TMEM74: variants seen among roughly 807,000 people sequenced by gnomAD.
The protein encoded by TMEM74 is transmembrane protein 74.
TMEM74 carries 13 observed loss-of-function variants against 18.1 expected under a neutral mutation model. The ratio of observed to expected loss-of-function variants is 0.72; its 90% CI spans 0.47 to 1.14. TMEM74 has a LOEUF of 1.14. Ranked by LOEUF, TMEM74 falls within the 50% of genes most tolerant of loss-of-function variation. The pLI is 0.00. For missense variants in TMEM74, 372 were observed against 375.9 expected (o/e 0.99, Z 0.09); for synonymous variants, 159 against 146.6 (o/e 1.08, Z -0.61).
rs554353753 is a variant in TMEM74, at chr8:108,637,804, C to T, written n.264+17489G>A. On this transcript the variant is annotated intron_variant and non_coding_transcript_variant, in intron 2 of 3. Transcript: ENST00000518838. ...AGCCACTAAATTTGTGGTAATTTGC[C>T]ATAGCAGCAGTAAGGATCCAATATT... Among the ~76,000 whole-genome samples the T allele has an allele frequency of 7.2e-5, 11 of 152,164 alleles. No homozygotes were observed. In the South Asian group the frequency reaches 8.3e-4, roughly 12 times the overall value.
chr8:108,732,354 C>T (rs760306714), intron 1 of TMEM74, among the ~76,000 whole-genome samples: 1 of 152,072 alleles, frequency 6.6e-6, no homozygotes, highest in Non-Finnish European at 1.5e-5. Context: ...TACACATGTT[C>T]AATATAATCA....
intron 1 of TMEM74, among the ~76,000 whole-genome samples, chr8:108,684,372 T>G (rs1198226318): frequency 6.6e-6 from 1 of 152,136 alleles, no homozygotes; most frequent in Non-Finnish European, 1.5e-5. Context: ...GAACATTTTT[T>G]CATGGATTTG....
Position 108,782,684 on chromosome 8 carries a change from GA to G in TMEM74, c.*1496del, listed in dbSNP as rs1563550707. Among the ~76,000 whole-genome samples, 2 of 152,256 alleles carry G rather than the reference GA, an allele frequency of 1.3e-5. No homozygotes were observed. The highest frequency in any genetic ancestry group is 4.1e-4 in the South Asian group (2 of 4,820). ...GAAATAGCCTTTAAAAATCTGCAAAGAAATCACTTTCTTACTTCCTCATTCC... is the reference window on the plus strand; with the variant it reads ...GAAATAGCCTTTAAAAATCTGCAAAGAATCACTTTCTTACTTCCTCATTCC... On this transcript the variant is annotated 3_prime_UTR_variant, in exon 2 of 2. Coordinates refer to ENST00000297459, the MANE Select transcript of TMEM74 (RefSeq NM_153015.3).
chr8:108,615,441 C>T (rs1376067918), intron 2 of TMEM74, among the ~76,000 whole-genome samples: 1 of 152,184 alleles, frequency 6.6e-6, no homozygotes, highest in Non-Finnish European at 1.5e-5. Flanking sequence ...GAAGAAGCAG[C>T]TGAGGTTCCA....
intron 1 of TMEM74, among the ~76,000 whole-genome samples, chr8:108,755,353 C>A (rs989211654): frequency 1.3e-5 from 2 of 152,062 alleles, no homozygotes; most frequent in African/African-American, 4.8e-5. Flanking sequence ...ATGCCTGAAC[C>A]ACAGAAACTG....
chr8:108,637,940 T>C (rs1812623525), intron 2 of TMEM74, among the ~76,000 whole-genome samples: 1 of 152,112 alleles, frequency 6.6e-6, no homozygotes, highest in Non-Finnish European at 1.5e-5. Flanking sequence ...AAATAATTGG[T>C]GGGAAGAAAA....
chr8:108,729,345 A>G (rs1353788404), intron 1 of TMEM74, among the ~76,000 whole-genome samples: 1 of 152,134 alleles, frequency 6.6e-6, no homozygotes, highest in Non-Finnish European at 1.5e-5. Context: ...TATACTTTGA[A>G]TCTCTGACTT....
At chr8:108,661,593 A>C (rs778353693) in intron 1 of TMEM74, among the ~76,000 whole-genome samples, 1 of 152,014 alleles carries the variant, frequency 6.6e-6, no homozygotes, top group Non-Finnish European at 1.5e-5. Context: ...CAGGCACTGA[A>C]AGTACATGGG....
At chr8:108,675,540 C>T (rs1468483093) in intron 1 of TMEM74, among the ~76,000 whole-genome samples, 1 of 152,168 alleles carries the variant, frequency 6.6e-6, no homozygotes. Flanking sequence ...ACAAAGTGCT[C>T]AAATGAATGT....
chr8:108,701,374 T>C (rs1813333352), intron 1 of TMEM74, among the ~76,000 whole-genome samples: 1 of 152,146 alleles, frequency 6.6e-6, no homozygotes, highest in Non-Finnish European at 1.5e-5. Context: ...TTCAACATCA[T>C]ACTGAAAATC....
intron 1 of TMEM74, among the ~76,000 whole-genome samples, chr8:108,770,244 T>C (rs867335159): frequency 2.0e-5 from 3 of 152,094 alleles, no homozygotes; most frequent in East Asian, 3.9e-4. Flanking sequence ...TGTTATAAGA[T>C]AAAATGATTC....
At chr8:108,720,749 TATTTATTA>T (rs1283612539) in intron 1 of TMEM74, among the ~76,000 whole-genome samples, 3 of 97,014 alleles carry the variant, frequency 3.1e-5, no homozygotes, top group African/African-American at 8.5e-5. Context: ...TTTATTTATT[TATTTATTA>T]GTTTGTTTGT....
At chr8:108,647,529 A>T (rs2130567888) in intron 2 of TMEM74, among the ~76,000 whole-genome samples, 1 of 152,292 alleles carries the variant, frequency 6.6e-6, no homozygotes, top group Admixed American at 6.5e-5. Context: ...AAGTAGGAAA[A>T]AAAAAGTATG....
chr8:108,687,695 A>G (rs992549746), intron 1 of TMEM74, among the ~76,000 whole-genome samples: 2 of 152,024 alleles, frequency 1.3e-5, no homozygotes, highest in African/African-American at 4.8e-5. Context: ...AAGAGTGTGC[A>G]ACCTAGATCC....
chr8:108,745,973 G>C (rs1420345740), intron 1 of TMEM74, among the ~76,000 whole-genome samples: 1 of 151,970 alleles, frequency 6.6e-6, no homozygotes. Context: ...CCTCTCACAC[G>C]CACCCCCTTA....
intron 1 of TMEM74, among the ~76,000 whole-genome samples, chr8:108,707,298 A>G (rs1813425738): frequency 6.6e-6 from 1 of 151,768 alleles, no homozygotes; most frequent in South Asian, 2.1e-4. Context: ...ACAAACCTGC[A>G]TGTTGTGCAC....
At chr8:108,649,864 G>A (rs1243599527) in intron 2 of TMEM74, among the ~76,000 whole-genome samples, 1 of 152,052 alleles carries the variant, frequency 6.6e-6, no homozygotes, top group Non-Finnish European at 1.5e-5. Context: ...CACTAAATGC[G>A]GGTTAACAGC....
chr8:108,703,272 T>C (rs1374043482), intron 1 of TMEM74, among the ~76,000 whole-genome samples: 1 of 152,176 alleles, frequency 6.6e-6, no homozygotes, highest in South Asian at 2.1e-4. Flanking sequence ...GTGCCCAGTA[T>C]TAGAGATTCA....
chr8:108,760,149 GGAGAGAGAGAGA>G (rs72281415), intron 1 of TMEM74, among the ~76,000 whole-genome samples: 1 of 143,930 alleles, frequency 6.9e-6, no homozygotes, highest in South Asian at 2.2e-4. Flanking sequence ...CTGCAGACTG[GGAGAGAGAGAGA>G]GAGAGAGAGA....
Sources: allele counts gnomAD v4.1 joint callset (sites outside exome capture counted in the v4.1 genomes callset), GRCh38; gene constraint gnomAD v4.1.1; transcripts MANE v1.5; gene names NCBI Gene and HGNC (gene_info 2026-07-23, HGNC 2026-07-21).